The following OCA2 variants were observed in gnomAD, a reference collection of about 807,000 sequenced individuals.
OCA2 encodes the protein P protein.
OCA2 carries 77 observed loss-of-function variants against 100.2 expected under a neutral mutation model. The observed-to-expected ratio is 0.77, with a 90% CI of 0.64 to 0.93. The LOEUF is 0.93. OCA2 is among the 40% of genes least tolerant of loss of function. OCA2 has a pLI of 0.00. For missense variants in OCA2, 1,062 were observed against 1,089.1 expected, an observed-to-expected ratio of 0.98 and a Z score of 0.35; for synonymous variants, 432 against 439.2, an observed-to-expected ratio of 0.98 and a Z score of 0.21.
intron 9 of OCA2, among the ~76,000 whole-genome samples, chr15:27,991,394 G>T (rs766607288): frequency 6.6e-6 from 1 of 152,208 alleles, no homozygotes; most frequent in East Asian, 1.9e-4. Flanking sequence ...ATGTCCATCC[G>T]TGGTGAAGGG....
At chr15:28,009,333 T>C (rs2042173190) in intron 9 of OCA2, among the ~76,000 whole-genome samples, 1 of 152,156 alleles carries the variant, frequency 6.6e-6, no homozygotes, top group African/African-American at 2.4e-5. Flanking sequence ...GGAAAAATCA[T>C]ATTACTTTAA....
chr15:28,072,458 C>T (rs1189515939), intron 2 of OCA2, among the ~76,000 whole-genome samples: 4 of 151,896 alleles, frequency 2.6e-5, no homozygotes, highest in African/African-American at 7.3e-5. Context: ...GGCGTGGTGG[C>T]GGGTGCCTGT....
At chr15:27,748,682 A>G in the OCA2 span, among the ~76,000 whole-genome samples, 1 of 152,258 alleles carries the variant, frequency 6.6e-6, no homozygotes, top group African/African-American at 2.4e-5. Flanking sequence ...AGAAAAGACA[A>G]TCAACTGATG....
chr15:27,902,645 C>T (rs1411508158), intron 19 of OCA2, among the ~76,000 whole-genome samples: 4 of 152,160 alleles, frequency 2.6e-5, no homozygotes, highest in Admixed American at 6.5e-5. Context: ...CCATCTCTGG[C>T]GAGTCCCACC....
chr15:27,744,286 G>C, the OCA2 span, among the ~76,000 whole-genome samples: 2 of 152,132 alleles, frequency 1.3e-5, no homozygotes, highest in Non-Finnish European at 2.9e-5. Context: ...AAAATCATGC[G>C]GGAAAAGAGC....
chr15:28,086,701 C>T (rs939435192), intron 1 of OCA2, among the ~76,000 whole-genome samples: 2 of 151,866 alleles, frequency 1.3e-5, no homozygotes, highest in African/African-American at 4.8e-5. Flanking sequence ...AAAAATGTTT[C>T]AAAGAGAAAT....
chr15:27,722,802 T>TCTC, the OCA2 span, among the ~76,000 whole-genome samples: 3 of 39,496 alleles, frequency 7.6e-5, no homozygotes, highest in East Asian at 6.3e-4. Context: ...CTCTCTCTCT[T>TCTC]TCTCTCTCTC....
intron 1 of OCA2, among the ~76,000 whole-genome samples, chr15:28,086,899 T>C (rs1401879001): frequency 6.6e-6 from 1 of 152,186 alleles, no homozygotes; most frequent in Non-Finnish European, 1.5e-5. Flanking sequence ...TAGAGAAATA[T>C]AGTCTAAAAC....
chr15:27,997,345 A>G (rs905834064), intron 9 of OCA2, among the ~76,000 whole-genome samples: 1 of 152,066 alleles, frequency 6.6e-6, no homozygotes, highest in African/African-American at 2.4e-5. Flanking sequence ...ATCTTGAATT[A>G]ATTTTTGTAT....
intron 19 of OCA2, among the ~76,000 whole-genome samples, chr15:27,908,768 G>T (rs903211439): frequency 1.3e-4 from 20 of 152,166 alleles, no homozygotes; most frequent in Non-Finnish European, 2.6e-4. Context: ...AGAGACTCAG[G>T]TTTTTATTGG....
At chr15:28,070,337 C>A (rs1343664252) in intron 2 of OCA2, among the ~76,000 whole-genome samples, 1 of 143,712 alleles carries the variant, frequency 7.0e-6, no homozygotes, top group African/African-American at 2.7e-5. Context: ...CCCGCCCGGC[C>A]AGCCGCCCCG....
At chr15:28,001,153 C>A (rs573773273) in intron 9 of OCA2, among the ~76,000 whole-genome samples, 1 of 152,130 alleles carries the variant, frequency 6.6e-6, no homozygotes, top group Non-Finnish European at 1.5e-5. Flanking sequence ...GATATCTGTG[C>A]GGCCATGTTC....
chr15:27,723,679 C>T, the OCA2 span, among the ~76,000 whole-genome samples: 1 of 152,170 alleles, frequency 6.6e-6, no homozygotes, highest in Admixed American at 6.5e-5. Context: ...TGCCTCCGCC[C>T]ATCCTTGGTG....
At chr15:27,756,384 C>A (rs1469503257) in intron 23 of OCA2, among the ~76,000 whole-genome samples, 2 of 152,192 alleles carry the variant, frequency 1.3e-5, no homozygotes, top group African/African-American at 4.8e-5. Flanking sequence ...AAAACTGATT[C>A]CATGAGCGAG....
At chr15:27,784,866 A>G (rs1359635135) in intron 23 of OCA2, among the ~76,000 whole-genome samples, 1 of 147,210 alleles carries the variant, frequency 6.8e-6, no homozygotes, top group African/African-American at 2.6e-5. Context: ...ATGTGTAATC[A>G]GAATCTAAGA....
chr15:27,989,539 G>A, intron 11 of OCA2, 62 bp downstream of exon 11: 2 of 1,368,160 alleles, frequency 1.5e-6, no homozygotes, highest in Non-Finnish European at 2.1e-6. Flanking sequence ...AGCGGTGGAG[G>A]CCAGAGAAGG....
chr15:27,931,822 C>T (rs1223996851), intron 18 of OCA2, among the ~76,000 whole-genome samples: 1 of 152,190 alleles, frequency 6.6e-6, no homozygotes, highest in African/African-American at 2.4e-5. Flanking sequence ...TCCTACGGTT[C>T]CTCCTGCTTT....
intron 22 of OCA2, among the ~76,000 whole-genome samples, chr15:27,848,487 C>A (rs1057114246): frequency 2.0e-5 from 3 of 152,216 alleles, no homozygotes; most frequent in African/African-American, 7.2e-5. Flanking sequence ...GCTCAAGCCT[C>A]CCTCCCAGTT....
intron 23 of OCA2, among the ~76,000 whole-genome samples, chr15:27,842,929 A>T (rs185734294): frequency 5.1e-4 from 77 of 152,352 alleles, no homozygotes; most frequent in Non-Finnish European, 7.8e-4. Context: ...GCTGAACCTC[A>T]GGCACTTTAC....
Sources: allele counts gnomAD v4.1 joint callset (sites outside exome capture counted in the v4.1 genomes callset), GRCh38; gene constraint gnomAD v4.1.1; transcripts MANE v1.5; gene names NCBI Gene and HGNC (gene_info 2026-07-23, HGNC 2026-07-21).